Variants in KCNMA1 observed in about 807,000 individuals in gnomAD.
KCNMA1 encodes Calcium-activated potassium channel subunit alpha-1.
Under a neutral mutation model 140.0 loss-of-function variants are expected in KCNMA1, and 29 were observed. The observed-to-expected ratio is 0.21, with a 90% CI of 0.15 to 0.28. KCNMA1 has a LOEUF of 0.28. KCNMA1 is among the 10% of genes least tolerant of loss of function. The pLI is 1.00. For missense variants in KCNMA1, 880 were observed against 1,602.2 expected, an observed-to-expected ratio of 0.55 and a Z score of 7.70; for synonymous variants, 612 against 611.9, an observed-to-expected ratio of 1.00 and a Z score of 0.00.
At chr10:77,304,899 G>A (rs1601881238) in intron 2 of KCNMA1, among the ~76,000 whole-genome samples, 2 of 152,168 alleles carry the variant, frequency 1.3e-5, no homozygotes, top group African/African-American at 4.8e-5. Flanking sequence ...AGGCTCCAGA[G>A]GTGACTGCTG....
At chr10:77,542,138 T>C (rs2060329762) in intron 1 of KCNMA1, among the ~76,000 whole-genome samples, 1 of 152,186 alleles carries the variant, frequency 6.6e-6, no homozygotes, top group Non-Finnish European at 1.5e-5. Context: ...GCTCCATGTA[T>C]GAAGCAGGAA....
intron 23 of KCNMA1, among the ~76,000 whole-genome samples, chr10:76,934,410 A>G (rs937169885): frequency 4.6e-5 from 7 of 152,266 alleles, no homozygotes; most frequent in African/African-American, 1.4e-4. Flanking sequence ...TGCACTGAAT[A>G]GCTGGCTAGA....
At chr10:77,009,517 C>T (rs914878338) in intron 18 of KCNMA1, among the ~76,000 whole-genome samples, 7 of 152,146 alleles carry the variant, frequency 4.6e-5, no homozygotes, top group Non-Finnish European at 7.4e-5. Context: ...TCCTTCCTCC[C>T]GAGAATGCTC....
At chr10:77,039,984 G>C (rs543898567) in intron 14 of KCNMA1, among the ~76,000 whole-genome samples, 31 of 135,272 alleles carry the variant, frequency 2.3e-4, no homozygotes, top group African/African-American at 8.3e-4. Flanking sequence ...CTGCACTGAA[G>C]CAATCCTCCT....
intron 2 of KCNMA1, among the ~76,000 whole-genome samples, chr10:77,344,959 T>C (rs1190265386): frequency 6.6e-6 from 1 of 152,138 alleles, no homozygotes; most frequent in African/African-American, 2.4e-5. Flanking sequence ...TTAGTCTTCA[T>C]AACAATCTTC....
chr10:77,300,994 A>G (rs572349463), intron 2 of KCNMA1, among the ~76,000 whole-genome samples: 1 of 152,162 alleles, frequency 6.6e-6, no homozygotes, highest in Admixed American at 6.5e-5. Flanking sequence ...AGCTCCCCAG[A>G]TGGTTGTAAC....
intron 6 of KCNMA1, among the ~76,000 whole-genome samples, chr10:77,119,238 AGAAAAAGAT>A (rs1256651859): frequency 3.3e-5 from 5 of 152,364 alleles, no homozygotes; most frequent in Non-Finnish European, 7.3e-5. Context: ...GCAGAAAGTC[AGAAAAAGAT>A]ATTCAGATGG....
intron 1 of KCNMA1, 124 bp downstream of exon 1, chr10:77,637,141 C>T: frequency 8.0e-7 from 1 of 1,247,368 alleles, no homozygotes; most frequent in Non-Finnish European, 1.1e-6. Context: ...GGGAAGGCGG[C>T]GAGGGGAAGG....
At chr10:77,240,677 T>A (rs2057040319) in intron 3 of KCNMA1, among the ~76,000 whole-genome samples, 2 of 152,310 alleles carry the variant, frequency 1.3e-5, no homozygotes, top group South Asian at 4.1e-4. Flanking sequence ...GTCTCCTCTT[T>A]GAAACACAGG....
intron 23 of KCNMA1, among the ~76,000 whole-genome samples, chr10:76,918,416 G>T (rs936516289): frequency 6.6e-6 from 1 of 152,172 alleles, no homozygotes; most frequent in African/African-American, 2.4e-5. Flanking sequence ...TGTACCCATA[G>T]CACTTTGTTG....
intron 2 of KCNMA1, among the ~76,000 whole-genome samples, chr10:77,295,905 C>CT (rs895373924): frequency 1.6e-4 from 22 of 141,778 alleles, no homozygotes; most frequent in African/African-American, 5.8e-4. Context: ...AACAAATTAA[C>CT]TTTTTTTTAT....
chr10:77,362,651 G>A (rs1448097659), intron 2 of KCNMA1, among the ~76,000 whole-genome samples: 4 of 151,996 alleles, frequency 2.6e-5, no homozygotes, highest in East Asian at 1.9e-4. Flanking sequence ...AGACCCCGCC[G>A]TCCAGCTCAC....
chr10:77,387,241 C>A (rs1018144651), intron 2 of KCNMA1, among the ~76,000 whole-genome samples: 2 of 152,102 alleles, frequency 1.3e-5, no homozygotes, highest in Admixed American at 6.5e-5. Flanking sequence ...TGAAGTCAGG[C>A]TGCAATATGA....
chr10:77,491,533 G>C (rs2039851603), intron 1 of KCNMA1, among the ~76,000 whole-genome samples: 1 of 152,190 alleles, frequency 6.6e-6, no homozygotes, highest in Non-Finnish European at 1.5e-5. Flanking sequence ...CCTTAGAGCA[G>C]GACAACAGGG....
At chr10:76,985,512 A>C (rs1279153457) in intron 19 of KCNMA1, among the ~76,000 whole-genome samples, 3 of 152,252 alleles carry the variant, frequency 2.0e-5, no homozygotes, top group Admixed American at 2.0e-4. Context: ...ATTTGCTCCT[A>C]TAACAAAACC....
intron 17 of KCNMA1, among the ~76,000 whole-genome samples, chr10:77,015,252 G>A (rs2091781693): frequency 6.6e-6 from 1 of 152,066 alleles, no homozygotes; most frequent in Non-Finnish European, 1.5e-5. Context: ...GGGGGGATGA[G>A]GTCACCACCT....
intron 3 of KCNMA1, among the ~76,000 whole-genome samples, chr10:77,212,754 A>G (rs2046477177): frequency 6.6e-6 from 1 of 151,986 alleles, no homozygotes. Context: ...AGGAAATGAG[A>G]GCAATCTCTG....
downstream of KCNMA1, among the ~76,000 whole-genome samples, chr10:76,883,745 G>T (rs2035634395): frequency 7.8e-6 from 1 of 128,546 alleles, no homozygotes; most frequent in South Asian, 2.7e-4. Context: ...TTTTTTTGCG[G>T]GAGGCAGTGA....
At chr10:76,897,486 T>C (rs2043098363) in intron 25 of KCNMA1, among the ~76,000 whole-genome samples, 1 of 152,110 alleles carries the variant, frequency 6.6e-6, no homozygotes, top group African/African-American at 2.4e-5. Context: ...GACACATTTG[T>C]TCCAAAAATT....
Sources: gnomAD v4.1 joint callset for allele counts (sites outside exome capture counted in the v4.1 genomes callset) on GRCh38, gnomAD v4.1.1 for gene constraint, MANE v1.5 for transcripts, NCBI Gene and HGNC (gene_info 2026-07-23, HGNC 2026-07-21) for gene names.